The following RO60 variants were observed in gnomAD, a reference collection of about 807,000 sequenced individuals.
RO60 encodes Ro60, Y RNA binding protein, also known as RNA-binding protein RO60.
In RO60, 20 loss-of-function variants were observed where a neutral mutation model predicts 55.3. The observed-to-expected ratio is 0.36, with a 90% CI of 0.25 to 0.53. RO60 has a LOEUF of 0.53. Ranked by LOEUF, RO60 falls within the 20% of genes least tolerant of loss-of-function variation. The pLI, the probability that RO60 is intolerant of heterozygous loss-of-function variation, is 0.92. For missense variants in RO60, 558 were observed against 646.6 expected (o/e 0.86, Z 1.49); for synonymous variants, 213 against 213.6 (o/e 1.00, Z 0.02).
chr1:193,076,593 T>C lies in RO60; in HGVS notation c.894T>C (p.Asn298=). ...CTAATTCAGTACTTGAACCAGGAAA[T>C]TCAGAAGTATCTTTAGTATGTGAAA... ...MTANSVLEPG[N]SEVSLVCEKL... The change falls in exon 4 of 9, where the codon AAT becomes AAC. Residue 298 remains asparagine (N), a synonymous_variant. Coordinates refer to ENST00000400968, the MANE Select transcript of RO60 (RefSeq NM_001173524.2). The C allele has an allele frequency of 1.2e-6, 2 of 1,610,854 alleles. No individual in the cohort carries two copies. Among genetic ancestry groups the C allele is most frequent in the South Asian group, 2.2e-5 (2 of 90,384 alleles).
In RO60 at chr1:193,088,023, T is replaced by A. The variant is rs1303922462; in HGVS notation, c.*3292T>A. ...CTGAGGAAATGCTGTTAACAAACTT[T>A]TTTTTTTGAGACAGGCTATCCCTCT... On this transcript the variant is annotated 3_prime_UTR_variant, in exon 9 of 9. Transcript: ENST00000400968. 1 of 152,072 alleles carries A rather than the reference T, an allele frequency of 6.6e-6. No individual in the cohort carries two copies. The highest frequency in any genetic ancestry group is 1.5e-5 in the Non-Finnish European group (1 of 68,016). 9.4% of individuals were successfully genotyped at this position (152,072 alleles called of 1,614,324 possible).
At chr1:193,064,347 C>A (rs1435657277) in intron 1 of RO60, among the ~76,000 whole-genome samples, 1 of 152,114 alleles carries the variant, frequency 6.6e-6, no homozygotes, top group African/African-American at 2.4e-5. Flanking sequence ...ACCTAGGGGC[C>A]CATGTTGCCT....
chr1:193,069,182 G>T lies in RO60; in HGVS notation c.128G>T (p.Gly43Val). 3 of 1,614,208 alleles carry T rather than the reference G, an allele frequency of 1.9e-6. No individual in the cohort carries two copies. Among genetic ancestry groups the T allele is most frequent in the Non-Finnish European group, 2.5e-6 (3 of 1,180,036 alleles). Residue 43 changes from glycine (G) to valine (V), a missense_variant, in exon 2 of 9, where the codon GGT (glycine) becomes GTT (valine). By Grantham distance (109) the Gly-to-Val change is moderately radical. Coordinates refer to ENST00000400968, the MANE Select transcript of RO60 (RefSeq NM_001173524.2). ...LHRFLCFGSE[G>V]GTYYIKEQKL... is the part of the protein sequence containing the mutation. The stretch of plus-strand genomic sequence containing the variant: ...CGGTTCTTATGTTTCGGTTCTGAAG[G>T]TGGGACTTATTATATCAAAGAACAG...
Position 193,082,649 on chromosome 1 carries a change from GATA to G in RO60, c.1408_1410del (p.Asn470del). ...TGCTGATGTCTTCATTGTATTCACT[GATA>G]ATGAGACCTTTGCTGGAGGTGTCCA... On this transcript the variant is annotated inframe_deletion, in exon 8 of 9. Coordinates refer to ENST00000400968, the MANE Select transcript of RO60 (RefSeq NM_001173524.2). 2 of 1,613,868 alleles carry G rather than the reference GATA, an allele frequency of 1.2e-6. No homozygotes were observed. The highest frequency in any genetic ancestry group is 1.7e-6 in the Non-Finnish European group (2 of 1,179,874).
chr1:193,066,414 T>C (rs1419686218), intron 1 of RO60, among the ~76,000 whole-genome samples: 1 of 152,232 alleles, frequency 6.6e-6, no homozygotes, highest in Admixed American at 6.5e-5. Context: ...CTGATCTCAC[T>C]GTAATCAAGC....
Position 193,090,256 on chromosome 1 carries a change from C to T in RO60, c.*5525C>T, listed in dbSNP as rs1311560193. The stretch of plus-strand genomic sequence containing the variant: ...TAAAGACAGTAAATGAAATTAAAAC[C>T]CTGCTGTTTTAAATATCATTACCAG... On this transcript the variant is annotated 3_prime_UTR_variant, in exon 9 of 9. Coordinates refer to ENST00000400968, the MANE Select transcript of RO60 (RefSeq NM_001173524.2). 1 of 152,008 alleles carries T rather than the reference C, an allele frequency of 6.6e-6. No individual in the cohort carries two copies. Among genetic ancestry groups the T allele is most frequent in the African/African-American group, 2.4e-5 (1 of 41,378 alleles). 9.4% of individuals were successfully genotyped at this position (152,008 alleles called of 1,614,324 possible).
chr1:193,082,268 C>T lies in RO60; in HGVS notation c.1286C>T (p.Thr429Ile), dbSNP rs1674363797. 14 of 1,611,878 alleles carry T rather than the reference C, an allele frequency of 8.7e-6. No homozygotes were observed. Among genetic ancestry groups the T allele is most frequent in the Non-Finnish European group, 1.1e-5 (13 of 1,179,248 alleles). The stretch of plus-strand genomic sequence containing the variant: ...CCATGTCCAGTGACTACAGATATGA[C>T]CTTACAACAGGTTTTAATGGCTATG... ...MVPCPVTTDM[T>I]LQQVLMAMSQ... The change falls in exon 7 of 9, where the codon ACC (threonine) becomes ATC (isoleucine). Residue 429 changes from threonine (T) to isoleucine (I), a missense_variant. Thr to Ile is a moderately conservative substitution (Grantham distance 89). Transcript: ENST00000400968.
chr1:193,085,294 C>A lies in RO60; in HGVS notation c.*563C>A, dbSNP rs574608512. The A allele has an allele frequency of 9.3e-7, 1 of 1,079,816 alleles. No homozygotes were observed. The highest frequency in any genetic ancestry group is 1.6e-5 in the African/African-American group (1 of 61,256). 66.9% of individuals were successfully genotyped at this position (1,079,816 alleles called of 1,614,324 possible). A position where few individuals can be genotyped will look rare whatever the true frequency, so the allele number is the denominator to read the frequency against. On this transcript the variant is annotated 3_prime_UTR_variant, in exon 9 of 9. Transcript: ENST00000400968. ...CTTTCAGAGTTTTACTAAGATCACA[C>A]AAATAACAGCTTTCTTATTCAGTGA...
intron 5 of RO60, among the ~76,000 whole-genome samples, chr1:193,079,081 C>CTTTTTTTTTTTTTTTTTTT (rs745317535): frequency 1.2e-5 from 1 of 85,934 alleles, no homozygotes; most frequent in Non-Finnish European, 2.2e-5. Context: ...GTTCAGTTGA[C>CTTTTTTTTTTTTTTTTTTT]TTTTTTTTTT....
intron 1 of RO60, among the ~76,000 whole-genome samples, chr1:193,067,968 C>T (rs1673229232): frequency 6.6e-6 from 1 of 152,182 alleles, no homozygotes; most frequent in Non-Finnish European, 1.5e-5. Context: ...GGTGTGCCAT[C>T]TTAAACTGGC....
chr1:193,077,136 T>C (rs1673978957), intron 5 of RO60, 86 bp downstream of exon 5: 1 of 1,287,522 alleles, frequency 7.8e-7, no homozygotes, highest in African/African-American at 1.5e-5. Flanking sequence ...GTATTAATAG[T>C]TTAATCATTT....
At chr1:193,080,961 C>T (rs762334235) in intron 5 of RO60, among the ~76,000 whole-genome samples, 4 of 151,926 alleles carry the variant, frequency 2.6e-5, no homozygotes, top group South Asian at 2.1e-4. Context: ...CACAACATTG[C>T]GAATGTACTT....
intron 2 of RO60, among the ~76,000 whole-genome samples, chr1:193,073,992 G>A (rs530801814): frequency 1.7e-4 from 26 of 150,014 alleles, no homozygotes; most frequent in Middle Eastern, 7.1e-3. Context: ...GCAGTGTTTC[G>A]TTTTTTGTCC....
intron 2 of RO60, among the ~76,000 whole-genome samples, chr1:193,073,991 C>A (rs1035806347): frequency 2.0e-5 from 3 of 150,002 alleles, no homozygotes; most frequent in Non-Finnish European, 4.4e-5. Flanking sequence ...TGCAGTGTTT[C>A]GTTTTTTGTC....
Position 193,076,899 on chromosome 1 carries a change from T to C in RO60, c.949-14T>C, listed in dbSNP as rs1285387886. ...CTGTTTTTTGCTAAAATTTTCCTTA[T>C]ACTTTGTTTCTAGGCTCGTATACAT... On this transcript the variant is annotated splice_polypyrimidine_tract_variant and intron_variant, in intron 4 of 8. Transcript: ENST00000400968. The C allele has an allele frequency of 6.3e-7, 1 of 1,599,638 alleles. No homozygotes were observed. Among genetic ancestry groups the C allele is most frequent in the Non-Finnish European group, 8.5e-7 (1 of 1,172,438 alleles).
intron 1 of RO60, among the ~76,000 whole-genome samples, chr1:193,066,000 CCT>C (rs1183141560): frequency 1.3e-5 from 2 of 152,168 alleles, no homozygotes; most frequent in African/African-American, 4.8e-5. Flanking sequence ...TCATTCCTCC[CCT>C]CTCTACCAAA....
At chr1:193,060,107 T>C (rs529840178) in intron 1 of RO60, 37 of 1,216,504 alleles carry the variant, frequency 3.0e-5, no homozygotes, top group Middle Eastern at 3.7e-4. Flanking sequence ...TTCTCCTCCT[T>C]CTCCCGCGGC....
chr1:193,067,231 G>C (rs1673176014), intron 1 of RO60, among the ~76,000 whole-genome samples: 1 of 147,358 alleles, frequency 6.8e-6, no homozygotes, highest in South Asian at 2.2e-4. Context: ...TGTCCCCCAG[G>C]CTGGAGTGCA....
At position 193,088,187 on chromosome 1, in the gene RO60, T is replaced by C. The variant is rs1175787425; in HGVS notation, c.*3456T>C. 6.6e-6 allele frequency: 1 copy of C among 150,560 alleles called. No homozygotes were observed. The highest frequency in any genetic ancestry group is 1.4e-5 in the Non-Finnish European group (1 of 72,802). 9.3% of individuals were successfully genotyped at this position (150,560 alleles called of 1,614,324 possible). On this transcript the variant is annotated 3_prime_UTR_variant, in exon 9 of 9. Coordinates refer to ENST00000400968, the MANE Select transcript of RO60 (RefSeq NM_001173524.2). ...CTTTTTTTTTTTTTTTTTTTTTTTTTTTTTTTAAGAGACAACGTCTCACTG... is the reference window on the plus strand; with the variant it reads ...CTTTTTTTTTTTTTTTTTTTTTTTTCTTTTTTAAGAGACAACGTCTCACTG...
Sources: allele counts gnomAD v4.1 joint callset (sites outside exome capture counted in the v4.1 genomes callset), GRCh38; gene constraint gnomAD v4.1.1; transcripts MANE v1.5; gene names NCBI Gene and HGNC (gene_info 2026-07-23, HGNC 2026-07-21).